Variants in NDEL1 observed in about 807,000 individuals in gnomAD.
NDEL1 encodes nuclear distribution protein nudE-like 1.
NDEL1 carries 9 observed loss-of-function variants against 45.7 expected under a neutral mutation model. The ratio of observed to expected loss-of-function variants is 0.20; its 90% CI spans 0.12 to 0.34. NDEL1 has a LOEUF of 0.34. NDEL1 is among the 10% of genes least tolerant of loss of function. NDEL1 has a pLI of 1.00. For missense variants in NDEL1, 306 were observed against 406.2 expected, an observed-to-expected ratio of 0.75 and a Z score of 2.12; for synonymous variants, 133 against 158.6, an observed-to-expected ratio of 0.84 and a Z score of 1.21.
chr17:8,421,428 G>A (rs886105223), intron 1 of NDEL1, among the ~76,000 whole-genome samples: 3 of 152,158 alleles, frequency 2.0e-5, no homozygotes, highest in Non-Finnish European at 4.4e-5. Flanking sequence ...GCTTATCAAA[G>A]TCAGAGAAGG....
intron 7 of NDEL1, among the ~76,000 whole-genome samples, chr17:8,457,458 A>G (rs773311588): frequency 6.6e-6 from 1 of 152,236 alleles, no homozygotes; most frequent in Admixed American, 6.5e-5. Context: ...CCGTCTTCTA[A>G]GAGTTATCAA....
At chr17:8,454,933 T>G in intron 7 of NDEL1, 46 bp downstream of exon 7, 1 of 1,462,750 alleles carries the variant, frequency 6.8e-7, no homozygotes, top group Non-Finnish European at 9.5e-7. Context: ...TGACAAGGTA[T>G]TGAATTATTT....
intron 6 of NDEL1, 48 bp from the exon 7 acceptor site, chr17:8,454,748 T>A: frequency 6.9e-7 from 1 of 1,449,562 alleles, no homozygotes; most frequent in Non-Finnish European, 9.6e-7. Context: ...AAAACCCAAA[T>A]GTAAAGGGAA....
At position 8,446,851 on chromosome 17, in the gene NDEL1, A is replaced by C. The variant is rs1394620894; in HGVS notation, c.338A>C (p.Lys113Thr). ...QTRAIKEQLHKYVRELEQAND... is the reference protein window; with the variant it reads ...QTRAIKEQLHTYVRELEQAND... ...CGGGCCATTAAGGAGCAGTTGCATAAGTATGTGAGAGAGCTGGAGCAGGCC... is the reference window on the plus strand; with the variant it reads ...CGGGCCATTAAGGAGCAGTTGCATACGTATGTGAGAGAGCTGGAGCAGGCC... Residue 113 changes from lysine to threonine, a missense_variant, in exon 4 of 9, where the codon AAG becomes ACG. Coordinates refer to ENST00000334527, the MANE Select transcript of NDEL1 (RefSeq NM_030808.5). The C allele has an allele frequency of 2.5e-6, 4 of 1,614,230 alleles. No homozygotes were observed. Among genetic ancestry groups the C allele is most frequent in the Non-Finnish European group, 3.4e-6 (4 of 1,180,044 alleles).
At chr17:8,439,460 G>T (rs1909592499) in intron 1 of NDEL1, among the ~76,000 whole-genome samples, 1 of 147,180 alleles carries the variant, frequency 6.8e-6, no homozygotes, top group Non-Finnish European at 1.5e-5. Flanking sequence ...CACCATGTTG[G>T]CCAGGCTGGT....
chr17:8,424,555 G>A (rs1227113882), intron 1 of NDEL1, among the ~76,000 whole-genome samples: 3 of 152,208 alleles, frequency 2.0e-5, no homozygotes, highest in African/African-American at 4.8e-5. Flanking sequence ...AGGCTGGAGC[G>A]CAGTGGCGCG....
chr17:8,450,013 C>A lies in NDEL1; in HGVS notation c.527-767C>A, dbSNP rs149096102. On this transcript the variant is annotated intron_variant, in intron 5 of 8. Coordinates refer to ENST00000334527, the MANE Select transcript of NDEL1 (RefSeq NM_030808.5). ...AAAACTCGACATTGGCTGGGTGTGGCGGCTCACGCCTGTAATTCTAGCACT... is the reference window on the plus strand; with the variant it reads ...AAAACTCGACATTGGCTGGGTGTGGAGGCTCACGCCTGTAATTCTAGCACT... Among the ~76,000 whole-genome samples the A allele has an allele frequency of 3.3e-5, 5 of 152,132 alleles. No homozygotes were observed. The South Asian group carries it at 1.0e-3, about 32-fold the overall frequency.
intron 2 of NDEL1, among the ~76,000 whole-genome samples, chr17:8,445,497 A>G (rs999109229): frequency 2.8e-5 from 4 of 143,668 alleles, no homozygotes; most frequent in Non-Finnish European, 4.6e-5. Context: ...TTTCATAAAT[A>G]TTGTAATCAC....
At chr17:8,439,807 G>C (rs974797714) in intron 1 of NDEL1, among the ~76,000 whole-genome samples, 1 of 152,140 alleles carries the variant, frequency 6.6e-6, no homozygotes, top group African/African-American at 2.4e-5. Flanking sequence ...TATGTGCCAG[G>C]TTCTGTCCTA....
chr17:8,462,448 G>A (rs1911269254), intron 8 of NDEL1, among the ~76,000 whole-genome samples: 1 of 152,002 alleles, frequency 6.6e-6, no homozygotes. Context: ...CTTCGATTCC[G>A]GCTTTTGGCC....
chr17:8,425,220 A>G (rs1294381177), intron 1 of NDEL1, among the ~76,000 whole-genome samples: 10 of 152,268 alleles, frequency 6.6e-5, no homozygotes, highest in Admixed American at 6.5e-4. Context: ...CCTGCATTTA[A>G]AAATTTTGTC....
At chr17:8,454,126 A>T (rs1465861302) in intron 6 of NDEL1, among the ~76,000 whole-genome samples, 1 of 152,196 alleles carries the variant, frequency 6.6e-6, no homozygotes, top group Non-Finnish European at 1.5e-5. Flanking sequence ...GGGAAACATT[A>T]TGACATTAAG....
intron 7 of NDEL1, among the ~76,000 whole-genome samples, chr17:8,456,921 T>C (rs1910886108): frequency 6.6e-6 from 1 of 152,220 alleles, no homozygotes; most frequent in Admixed American, 6.5e-5. Context: ...GTTCTAAAAA[T>C]GGAAAAGTAG....
At chr17:8,449,793 G>A (rs1018660996) in intron 5 of NDEL1, among the ~76,000 whole-genome samples, 4 of 152,106 alleles carry the variant, frequency 2.6e-5, no homozygotes, top group African/African-American at 2.4e-5. Flanking sequence ...GATGGACATC[G>A]AGTTGCTCCC....
rs1910044989 is a variant in NDEL1 at position 8,445,798 on chromosome 17, T to A, written c.174T>A (p.Ala58=). The A allele has an allele frequency of 6.3e-7, 1 of 1,587,124 alleles. No homozygotes were observed. The highest frequency in any genetic ancestry group is 1.9e-5 in the Admixed American group (1 of 53,912). ...EAELEAQLVQ[A]EQRNRDLQAD... ...AGTTGGAGGCACAATTAGTACAGGC[T>A]GAACAAAGAAATAGAGACTTGCAGG... Residue 58 remains alanine (A), a synonymous_variant, in exon 3 of 9, where the codon GCT becomes GCA. Transcript: ENST00000334527.
chr17:8,460,463 G>T (rs1390064489), intron 8 of NDEL1, among the ~76,000 whole-genome samples: 2 of 152,134 alleles, frequency 1.3e-5, no homozygotes, highest in Non-Finnish European at 2.9e-5. Context: ...GGTGCTTACA[G>T]GCTGGCAGAC....
chr17:8,457,238 G>T lies in NDEL1; in HGVS notation c.792+2351G>T, dbSNP rs796906738. On this transcript the variant is annotated intron_variant, in intron 7 of 8. Transcript: ENST00000334527. ...TTCTTCTTCACACTCTTTGTGGGAT[G>T]CCCTGATGGGCTTCGAGGGCTGCTG... Among the ~76,000 whole-genome samples the T allele has an allele frequency of 5.3e-5, 8 of 152,286 alleles. No individual in the cohort carries two copies. The South Asian group carries it at 1.7e-3, about 32-fold the overall frequency.
chr17:8,428,735 A>G (rs535053947), intron 1 of NDEL1, among the ~76,000 whole-genome samples: 310 of 144,920 alleles, frequency 2.1e-3, no homozygotes, highest in Non-Finnish European at 3.7e-3. Flanking sequence ...CTGCAGTGGC[A>G]TGATCTCGGC....
chr17:8,461,084 A>G (rs1911171682), intron 8 of NDEL1: 1 of 152,178 alleles, frequency 6.6e-6, no homozygotes, highest in Non-Finnish European at 1.5e-5. Context: ...ATCCTTGGCT[A>G]CTGTCTCTGC....
Sources: gnomAD v4.1 joint callset for allele counts (sites outside exome capture counted in the v4.1 genomes callset) on GRCh38, gnomAD v4.1.1 for gene constraint, MANE v1.5 for transcripts, NCBI Gene and HGNC (gene_info 2026-07-23, HGNC 2026-07-21) for gene names.